The following MAGI2 variants were observed in gnomAD, a reference collection of about 807,000 sequenced individuals.
MAGI2 encodes membrane associated guanylate kinase, WW and PDZ domain containing 2.
In MAGI2, 35 loss-of-function variants were observed where a neutral mutation model predicts 133.3. The ratio of observed to expected loss-of-function variants is 0.26; its 90% CI spans 0.20 to 0.35. The LOEUF is 0.35. Among genes scored for constraint, MAGI2 ranks in the 10% least tolerant of loss-of-function variants. The pLI is 1.00. For synonymous variants in MAGI2, 729 were observed against 710.6 expected, an observed-to-expected ratio of 1.03 and a Z score of -0.41; for missense variants, 1,636 against 1,863.4, an observed-to-expected ratio of 0.88 and a Z score of 2.25.
chr7:79,091,307 G>A (rs940270825), intron 1 of MAGI2, among the ~76,000 whole-genome samples: 4 of 152,060 alleles, frequency 2.6e-5, no homozygotes, highest in Admixed American at 1.3e-4. Context: ...CATTTCAATA[G>A]TCTATGAAAC....
chr7:79,388,407 A>G (rs1229003102), intron 1 of MAGI2, among the ~76,000 whole-genome samples: 1 of 151,974 alleles, frequency 6.6e-6, no homozygotes, highest in Non-Finnish European at 1.5e-5. Context: ...AAAACTGTTA[A>G]CTGGGTTTAT....
chr7:78,406,911 A>G (rs1797433051), intron 6 of MAGI2, among the ~76,000 whole-genome samples: 1 of 152,066 alleles, frequency 6.6e-6, no homozygotes, highest in Non-Finnish European at 1.5e-5. Context: ...TCACTGTATA[A>G]GATTATACAC....
chr7:79,326,661 T>G (rs1585583637), intron 1 of MAGI2, among the ~76,000 whole-genome samples: 1 of 106 alleles, frequency 9.4e-3, no homozygotes, highest in South Asian at 0.5. Context: ...CAGTGATACA[T>G]TTTTTTTTTT....
intron 2 of MAGI2, among the ~76,000 whole-genome samples, chr7:78,692,694 A>C (rs949637930): frequency 7.2e-5 from 11 of 152,158 alleles, no homozygotes; most frequent in African/African-American, 2.4e-4. Context: ...GTGTCTCTTC[A>C]GTTTATCCTT....
intron 1 of MAGI2, among the ~76,000 whole-genome samples, chr7:79,452,351 G>T (rs1406313380): frequency 6.6e-6 from 1 of 152,212 alleles, no homozygotes; most frequent in Admixed American, 6.5e-5. Flanking sequence ...TAGTCAGTAC[G>T]CACGTGACGC....
chr7:78,127,441 C>T (rs368150651), intron 18 of MAGI2, 25 bp from the exon 19 acceptor site: 21 of 1,562,520 alleles, frequency 1.3e-5, no homozygotes, highest in Non-Finnish European at 1.7e-5. Flanking sequence ...ATGGGATTTG[C>T]TTTTGTAACT....
intron 6 of MAGI2, among the ~76,000 whole-genome samples, chr7:78,456,299 C>T (rs1305247554): frequency 6.6e-6 from 1 of 152,036 alleles, no homozygotes; most frequent in East Asian, 1.9e-4. Context: ...TAAGTTTGTG[C>T]CATATTAACC....
chr7:78,798,529 C>T (rs1197061461), intron 2 of MAGI2, among the ~76,000 whole-genome samples: 1 of 152,072 alleles, frequency 6.6e-6, no homozygotes, highest in Non-Finnish European at 1.5e-5. Flanking sequence ...GCTACATGGT[C>T]CTGCTGCTCC....
chr7:79,184,795 G>C (rs1158193024), intron 1 of MAGI2, among the ~76,000 whole-genome samples: 1 of 151,684 alleles, frequency 6.6e-6, no homozygotes, highest in East Asian at 1.9e-4. Context: ...TGCTGTTTAA[G>C]TTTTGGATAA....
chr7:79,248,419 C>T (rs559937947), intron 1 of MAGI2, among the ~76,000 whole-genome samples: 14 of 152,176 alleles, frequency 9.2e-5, no homozygotes, highest in South Asian at 4.1e-4. Context: ...CAATAACAGC[C>T]GGAGATTTCA....
chr7:79,358,200 C>T (rs959133907), intron 1 of MAGI2, among the ~76,000 whole-genome samples: 6 of 151,944 alleles, frequency 3.9e-5, no homozygotes, highest in Non-Finnish European at 5.9e-5. Context: ...CCAACACTTC[C>T]CCCTACCCCT....
intron 6 of MAGI2, among the ~76,000 whole-genome samples, chr7:78,371,976 A>G (rs1214128299): frequency 6.6e-6 from 1 of 152,072 alleles, no homozygotes; most frequent in African/African-American, 2.4e-5. Context: ...TGATGGAGGA[A>G]CCTTACAGGA....
chr7:79,014,454 C>T (rs1014125418), intron 1 of MAGI2, among the ~76,000 whole-genome samples: 2 of 152,008 alleles, frequency 1.3e-5, no homozygotes, highest in Middle Eastern at 3.2e-3. Context: ...TAATAATGTA[C>T]CAATGGCTAA....
intron 3 of MAGI2, among the ~76,000 whole-genome samples, chr7:78,611,751 G>T (rs1806470626): frequency 1.3e-5 from 2 of 152,254 alleles, no homozygotes; most frequent in Middle Eastern, 6.8e-3. Flanking sequence ...GCAGTAGTAT[G>T]ATTGTATTTA....
At chr7:78,791,223 AAAAG>A (rs1424882341) in intron 2 of MAGI2, among the ~76,000 whole-genome samples, 4 of 152,184 alleles carry the variant, frequency 2.6e-5, no homozygotes, top group Non-Finnish European at 4.4e-5. Context: ...CACAAAAAGA[AAAAG>A]AGAGAGAGAA....
chr7:78,500,924 C>A (rs570629377), intron 5 of MAGI2, among the ~76,000 whole-genome samples: 28 of 152,240 alleles, frequency 1.8e-4, no homozygotes, highest in Admixed American at 1.5e-3. Flanking sequence ...CCCACCTCTA[C>A]TAAAAATACA....
chr7:79,186,851 A>G (rs1373530625), intron 1 of MAGI2, among the ~76,000 whole-genome samples: 2 of 149,340 alleles, frequency 1.3e-5, no homozygotes, highest in Non-Finnish European at 1.5e-5. Flanking sequence ...AAACGACTTA[A>G]TATATCACCT....
chr7:79,073,170 T>C (rs1815149047), intron 1 of MAGI2, among the ~76,000 whole-genome samples: 1 of 152,200 alleles, frequency 6.6e-6, no homozygotes, highest in Non-Finnish European at 1.5e-5. Flanking sequence ...GCCAAGTCTA[T>C]GCAGGAGATG....
At chr7:78,753,838 A>G (rs890998451) in intron 2 of MAGI2, among the ~76,000 whole-genome samples, 1 of 152,200 alleles carries the variant, frequency 6.6e-6, no homozygotes, top group Admixed American at 6.5e-5. Flanking sequence ...GGTACAAATG[A>G]TGGCTAAATT....
Sources: allele counts gnomAD v4.1 joint callset (sites outside exome capture counted in the v4.1 genomes callset), GRCh38; gene constraint gnomAD v4.1.1; transcripts MANE v1.5; gene names NCBI Gene and HGNC (gene_info 2026-07-23, HGNC 2026-07-21).